The following CAPZB variants were observed in gnomAD, a reference collection of about 807,000 sequenced individuals.
CAPZB encodes the protein capping actin protein of muscle Z-line subunit beta, also known as F-actin-capping protein subunit beta.
A neutral mutation model predicts 38.1 loss-of-function variants in CAPZB; 2 were observed. That is an observed-to-expected ratio of 0.05 (90% CI 0.02 to 0.17). The LOEUF (loss-of-function observed/expected upper bound fraction) is 0.17, where lower values mean the gene tolerates loss of function less well. CAPZB is among the 10% of genes least tolerant of loss of function. The pLI is 1.00. For synonymous variants in CAPZB, 107 were observed against 127.4 expected (o/e 0.84, Z 1.08); for missense variants, 161 against 334.2 (o/e 0.48, Z 4.04).
chr1:19,431,339 T>G (rs1558255352), intron 1 of CAPZB, among the ~76,000 whole-genome samples: 1 of 152,216 alleles, frequency 6.6e-6, no homozygotes, highest in Non-Finnish European at 1.5e-5. Context: ...AAATCCAAAA[T>G]GCTTCTGGTC....
intron 2 of CAPZB, among the ~76,000 whole-genome samples, chr1:19,408,330 C>T (rs1349625543): frequency 6.6e-6 from 1 of 152,246 alleles, no homozygotes; most frequent in Non-Finnish European, 1.5e-5. Context: ...CTGCAGTTTA[C>T]ACGCACCCCA....
intron 2 of CAPZB, among the ~76,000 whole-genome samples, chr1:19,397,792 T>G (rs995053953): frequency 6.6e-6 from 1 of 151,406 alleles, no homozygotes. Flanking sequence ...GTGAAAACTA[T>G]GAATGGGCTA....
At chr1:19,465,285 C>CCCCT (rs2094565351) in intron 1 of CAPZB, among the ~76,000 whole-genome samples, 1 of 152,110 alleles carries the variant, frequency 6.6e-6, no homozygotes, top group African/African-American at 2.4e-5. Flanking sequence ...GACATTAATG[C>CCCCT]CCCTATAAGA....
intron 1 of CAPZB, among the ~76,000 whole-genome samples, chr1:19,428,204 A>G (rs2094430102): frequency 6.6e-6 from 1 of 152,214 alleles, no homozygotes; most frequent in African/African-American, 2.4e-5. Flanking sequence ...GGAGTTCAAG[A>G]CCAGCATGGC....
At chr1:19,485,271 C>A (rs1384341948) in intron 1 of CAPZB, among the ~76,000 whole-genome samples, 165 bp downstream of exon 1, 3 of 151,894 alleles carry the variant, frequency 2.0e-5, no homozygotes, top group Non-Finnish European at 4.4e-5. Flanking sequence ...TCCGCGCCGG[C>A]GGCACCCTCC....
chr1:19,378,554 G>A lies in CAPZB; in HGVS notation c.315C>T (p.Asp105=), dbSNP rs943114234. The A allele has an allele frequency of 1.9e-5, 30 of 1,603,386 alleles. No individual in the cohort carries two copies. Among genetic ancestry groups the A allele is most frequent in the Non-Finnish European group, 2.5e-5 (29 of 1,170,234 alleles). The change falls in exon 4 of 9, where the codon GAC becomes GAT. Residue 105 remains aspartate, a synonymous_variant. Transcript: ENST00000264202. ...AAATGACTCACAGGTCTCGATACTG[G>A]TCAAAGGCATTGTTGGCTTCCACCT... ...KLEVEANNAF[D]QYRDLYFEGG... is the part of the protein sequence containing the mutation.
At chr1:19,452,872 T>C (rs1231293802) in intron 1 of CAPZB, among the ~76,000 whole-genome samples, 1 of 151,260 alleles carries the variant, frequency 6.6e-6, no homozygotes, top group African/African-American at 2.4e-5. Flanking sequence ...GGAGCGCTCT[T>C]GGCTCACTGC....
intron 1 of CAPZB, among the ~76,000 whole-genome samples, chr1:19,481,688 C>T (rs1482064698): frequency 1.3e-5 from 2 of 152,210 alleles, no homozygotes; most frequent in East Asian, 3.8e-4. Flanking sequence ...GAGGAGCGGA[C>T]TGCGTGCACG....
chr1:19,421,567 A>G (rs1251103102), intron 1 of CAPZB, among the ~76,000 whole-genome samples: 1 of 152,234 alleles, frequency 6.6e-6, no homozygotes, highest in East Asian at 1.9e-4. Flanking sequence ...TACTTGTGCC[A>G]CGCATTTCTA....
chr1:19,451,733 T>C (rs2094516756), intron 1 of CAPZB, among the ~76,000 whole-genome samples: 1 of 141,150 alleles, frequency 7.1e-6, no homozygotes, highest in South Asian at 2.2e-4. Context: ...TATCAGCCAA[T>C]AATGTGTCCT....
At chr1:19,355,511 A>T (rs1403400027) in intron 6 of CAPZB, among the ~76,000 whole-genome samples, 1 of 152,048 alleles carries the variant, frequency 6.6e-6, no homozygotes, top group African/African-American at 2.4e-5. Context: ...AAAAAAAAAA[A>T]ATTTTACTGC....
intron 1 of CAPZB, among the ~76,000 whole-genome samples, chr1:19,445,888 GAAC>G (rs1388656894): frequency 6.6e-6 from 1 of 152,166 alleles, no homozygotes; most frequent in Non-Finnish European, 1.5e-5. Context: ...GCTGAAAAAA[GAAC>G]AAAACAACCA....
chr1:19,373,984 C>A (rs892571470), intron 4 of CAPZB, among the ~76,000 whole-genome samples: 5 of 152,190 alleles, frequency 3.3e-5, no homozygotes, highest in African/African-American at 9.7e-5. Flanking sequence ...CAAGCAGGGC[C>A]TCAAGGAGTA....
intron 1 of CAPZB, among the ~76,000 whole-genome samples, chr1:19,431,765 G>T (rs1327536684): frequency 6.6e-6 from 1 of 151,664 alleles, no homozygotes; most frequent in Non-Finnish European, 1.5e-5. Context: ...AAAGAATACA[G>T]TTGATTTTAT....
chr1:19,421,633 G>A (rs1224575433), intron 1 of CAPZB, among the ~76,000 whole-genome samples: 1 of 152,230 alleles, frequency 6.6e-6, no homozygotes, highest in Non-Finnish European at 1.5e-5. Flanking sequence ...TGGCATGAGA[G>A]GAAATTTTAA....
chr1:19,379,235 A>C (rs2094160936), intron 3 of CAPZB, among the ~76,000 whole-genome samples: 1 of 151,996 alleles, frequency 6.6e-6, no homozygotes, highest in South Asian at 2.1e-4. Context: ...AGTAGCTGGA[A>C]TTGCAGGTGC....
intron 1 of CAPZB, chr1:19,484,842 T>G (rs1570395693): frequency 3.6e-6 from 1 of 280,954 alleles, no homozygotes; most frequent in Non-Finnish European, 5.3e-6. Context: ...GAAGAGGAGG[T>G]CCAGATTTAA....
At chr1:19,446,654 C>G (rs1297672595) in intron 1 of CAPZB, among the ~76,000 whole-genome samples, 1 of 152,224 alleles carries the variant, frequency 6.6e-6, no homozygotes, top group Non-Finnish European at 1.5e-5. Context: ...TCTCCCCCAA[C>G]AACAGGGAAG....
At chr1:19,392,238 G>A (rs1469914475) in intron 2 of CAPZB, among the ~76,000 whole-genome samples, 1 of 151,602 alleles carries the variant, frequency 6.6e-6, no homozygotes, top group Non-Finnish European at 1.5e-5. Flanking sequence ...GGAGACGACA[G>A]AAGGGGGTTG....
Sources: gnomAD v4.1 joint callset for allele counts (sites outside exome capture counted in the v4.1 genomes callset) on GRCh38, gnomAD v4.1.1 for gene constraint, MANE v1.5 for transcripts, NCBI Gene and HGNC (gene_info 2026-07-23, HGNC 2026-07-21) for gene names.